Variants in SEC22B observed in about 807,000 individuals in gnomAD.
The protein encoded by SEC22B is vesicle-trafficking protein SEC22b.
In SEC22B, 10 loss-of-function variants were observed where a neutral mutation model predicts 31.4. The observed-to-expected ratio is 0.32, with a 90% CI of 0.20 to 0.54. The LOEUF is 0.54. SEC22B is among the 20% of genes least tolerant of loss of function. The pLI, the probability that SEC22B is intolerant of heterozygous loss-of-function variation, is 0.94. For synonymous variants in SEC22B, 60 were observed against 95.9 expected, an observed-to-expected ratio of 0.63 and a Z score of 2.19; for missense variants, 130 against 263.4, an observed-to-expected ratio of 0.49 and a Z score of 3.50.
At chr1:120,161,072 A>G (rs1245451864) in intron 3 of SEC22B, among the ~76,000 whole-genome samples, 1 of 152,206 alleles carries the variant, frequency 6.6e-6, no homozygotes, top group Non-Finnish European at 1.5e-5. Flanking sequence ...CCTTTGAATT[A>G]GAAGTATTTG....
chr1:120,160,417 C>T lies in SEC22B; in HGVS notation c.460G>A (p.Glu154Lys), dbSNP rs1238807446. The T allele has an allele frequency of 5.0e-6, 8 of 1,612,776 alleles. No individual in the cohort carries two copies. In the African/African-American group the frequency reaches 8.0e-5, roughly 16 times the overall value. Residue 154 changes from glutamate to lysine, a missense_variant, in exon 4 of 5, where the codon GAA becomes AAA. Coordinates refer to ENST00000578049, the MANE Select transcript of SEC22B (RefSeq NM_004892.6). The stretch of plus-strand genomic sequence containing the variant: ...GCTTCTCCTCGTTGTAACACTTCTT[C>T]AATATTGGCCACCATGATCCTCTGC... ...DVQRIMVANI[E>K]EVLQRGEALS... is the part of the protein sequence containing the mutation.
intron 1 of SEC22B, among the ~76,000 whole-genome samples, chr1:120,169,321 A>G (rs1208768452): frequency 0.2 from 29,285 of 147,952 alleles, 2,344 homozygotes; most frequent in African/African-American, 0.43. Flanking sequence ...TCCTAGGAAC[A>G]AGATTGGTGA....
Position 120,155,473 on chromosome 1 carries a change from G to A in SEC22B, c.*1565C>T, listed in dbSNP as rs1657614500. ...AATTGGCAGATTTAGGTCCATAAAA[G>A]AAAGGAAAAAAATTATTCTAGTTAT... On this transcript the variant is annotated 3_prime_UTR_variant, in exon 5 of 5. Transcript: ENST00000578049. The A allele has an allele frequency of 6.7e-6, 1 of 149,706 alleles. No individual in the cohort carries two copies. Among genetic ancestry groups the A allele is most frequent in the Non-Finnish European group, 1.5e-5 (1 of 67,356 alleles). The allele number at this position is 149,706 out of a possible 1,614,324, so 9.3% of individuals were successfully genotyped here.
intron 2 of SEC22B, among the ~76,000 whole-genome samples, chr1:120,168,590 A>G (rs1657848103): frequency 6.6e-6 from 1 of 151,062 alleles, no homozygotes; most frequent in African/African-American, 2.5e-5. Flanking sequence ...AGACAGTCCT[A>G]AAGCAAGAAG....
chr1:120,173,224 C>T (rs1657917346), intron 1 of SEC22B, among the ~76,000 whole-genome samples: 1 of 62,080 alleles, frequency 1.6e-5, no homozygotes, highest in South Asian at 7.9e-4. Context: ...CTTCCTGCTG[C>T]CTATTTGGTG....
chr1:120,159,578 A>T (rs1570865715), intron 4 of SEC22B, among the ~76,000 whole-genome samples: 1 of 149,996 alleles, frequency 6.7e-6, no homozygotes, highest in African/African-American at 2.4e-5. Context: ...GAGGTATTTA[A>T]TAAATATATT....
At chr1:120,160,050 T>C (rs1657687654) in intron 4 of SEC22B, among the ~76,000 whole-genome samples, 2 of 145,260 alleles carry the variant, frequency 1.4e-5, no homozygotes, top group Admixed American at 1.3e-4. Context: ...CCAAAGAGGC[T>C]ACTCAAAAAA....
rs1258449807 is a variant in SEC22B, at chr1:120,152,068, A to G, written c.*4970T>C. On this transcript the variant is annotated 3_prime_UTR_variant, in exon 5 of 5. Transcript: ENST00000578049. ...TTCAAAACAGATATATATGAAGCAA[A>G]AAACTTGGGCCCAAAAAACAAGTTT... The G allele has an allele frequency of 6.6e-5, 10 of 152,260 alleles. No homozygotes were observed. Among genetic ancestry groups the G allele is most frequent in the Admixed American group, 1.3e-4 (2 of 15,292 alleles). 9.4% of individuals were successfully genotyped at this position (152,260 alleles called of 1,614,324 possible). A position where few individuals can be genotyped will look rare whatever the true frequency, so the allele number is the denominator to read the frequency against.
At chr1:120,172,771 G>T (rs1391438178) in intron 1 of SEC22B, among the ~76,000 whole-genome samples, 2 of 75,330 alleles carry the variant, frequency 2.7e-5, no homozygotes. Context: ...ATCTAGAAAA[G>T]ATTAATGAAA....
rs1657585851 is a variant in SEC22B at position 120,153,879 on chromosome 1, T to C, written c.*3159A>G. 6.7e-6 allele frequency: 1 copy of C among 150,360 alleles called. No homozygotes were observed. The highest frequency in any genetic ancestry group is 2.5e-5 in the African/African-American group (1 of 40,324). 9.3% of individuals were successfully genotyped at this position (150,360 alleles called of 1,614,324 possible). The stretch of plus-strand genomic sequence containing the variant: ...AACATTTTTCTAGAGTAATGGCACA[T>C]ACCTTTCATCAGATTTTCAAAGGTT... On this transcript the variant is annotated 3_prime_UTR_variant, in exon 5 of 5. Transcript: ENST00000578049.
intron 1 of SEC22B, among the ~76,000 whole-genome samples, chr1:120,170,134 TTC>T: frequency 7.2e-6 from 1 of 138,440 alleles, no homozygotes; most frequent in East Asian, 2.1e-4. Flanking sequence ...AAAAATCAAT[TTC>T]TGTCATTTAT....
chr1:120,171,136 C>T (rs1341633274), intron 1 of SEC22B, among the ~76,000 whole-genome samples: 2 of 132,626 alleles, frequency 1.5e-5, no homozygotes, highest in African/African-American at 7.7e-5. Flanking sequence ...CCAGTCTCCA[C>T]CACCAAACCA....
intron 2 of SEC22B, among the ~76,000 whole-genome samples, chr1:120,168,245 AC>A (rs1657843431): frequency 6.6e-6 from 1 of 151,842 alleles, no homozygotes; most frequent in Non-Finnish European, 1.5e-5. Flanking sequence ...AACATTAAAT[AC>A]CAATTATTTG....
At chr1:120,169,670 G>C (rs1226848304) in intron 1 of SEC22B, among the ~76,000 whole-genome samples, 1 of 147,634 alleles carries the variant, frequency 6.8e-6, no homozygotes, top group Non-Finnish European at 1.5e-5. Flanking sequence ...TTGTTAAAAA[G>C]AGGGGGCAAA....
intron 1 of SEC22B, among the ~76,000 whole-genome samples, chr1:120,170,425 G>C (rs1657877573): frequency 7.0e-6 from 1 of 143,376 alleles, no homozygotes; most frequent in Admixed American, 6.8e-5. Context: ...ACAATAAAAT[G>C]ATAAAGTGGC....
rs1657555593 is a variant in SEC22B at position 120,152,209 on chromosome 1, C to G, written c.*4829G>C. 6.7e-6 allele frequency: 1 copy of G among 150,360 alleles called. No individual in the cohort carries two copies. Among genetic ancestry groups the G allele is most frequent in the African/African-American group, 2.5e-5 (1 of 40,366 alleles). 9.3% of individuals were successfully genotyped at this position (150,360 alleles called of 1,614,324 possible). ...TTCTTGTCACACTTGACATTTTTTA[C>G]AGAGATTTCTTAAAACAGGGGCATA... is the stretch of plus-strand genomic sequence containing the variant. On this transcript the variant is annotated 3_prime_UTR_variant, in exon 5 of 5. Coordinates refer to ENST00000578049, the MANE Select transcript of SEC22B (RefSeq NM_004892.6).
intron 3 of SEC22B, among the ~76,000 whole-genome samples, chr1:120,162,944 A>G (rs1657742906): frequency 6.6e-6 from 1 of 152,312 alleles, no homozygotes; most frequent in African/African-American, 2.4e-5. Context: ...ATGTGACTCT[A>G]AAGAAGAATC....
intron 3 of SEC22B, among the ~76,000 whole-genome samples, chr1:120,160,744 C>A (rs1464913304): frequency 1.3e-5 from 2 of 151,982 alleles, no homozygotes; most frequent in Admixed American, 6.6e-5. Flanking sequence ...AAAAAGTTAG[C>A]CAGGCGTGGC....
At chr1:120,169,378 TAC>T (rs1441823291) in intron 1 of SEC22B, among the ~76,000 whole-genome samples, 1 of 152,140 alleles carries the variant, frequency 6.6e-6, no homozygotes, top group African/African-American at 2.4e-5. Context: ...CCACAAGTGT[TAC>T]AGTTTTTAGC....
Sources: gnomAD v4.1 joint callset for allele counts (sites outside exome capture counted in the v4.1 genomes callset) on GRCh38, gnomAD v4.1.1 for gene constraint, MANE v1.5 for transcripts, NCBI Gene and HGNC (gene_info 2026-07-23, HGNC 2026-07-21) for gene names.